LRRC75A: variants seen among roughly 807,000 people sequenced by gnomAD.
LRRC75A encodes leucine-rich repeat-containing protein 75A.
In LRRC75A, 12 loss-of-function variants were observed where a neutral mutation model predicts 26.0. That is an observed-to-expected ratio of 0.46 (90% confidence interval 0.30 to 0.75). The LOEUF (loss-of-function observed/expected upper bound fraction) is 0.75. Ranked by LOEUF, LRRC75A falls within the 30% of genes least tolerant of loss-of-function variation. The pLI, the probability that LRRC75A is intolerant of heterozygous loss-of-function variation, is 0.08. For missense variants in LRRC75A, 410 were observed against 486.6 expected (o/e 0.84, Z 1.48); for synonymous variants, 223 against 219.3 (o/e 1.02, Z -0.15).
chr17:16,465,924 G>A (rs1186259472), intron 1 of LRRC75A, among the ~76,000 whole-genome samples: 3 of 152,218 alleles, frequency 2.0e-5, no homozygotes, highest in Admixed American at 1.3e-4. Flanking sequence ...TGTGAGTCAC[G>A]GCCAACACCG....
chr17:16,461,847 CCTACCCCA>C (rs1341874735), intron 2 of LRRC75A, among the ~76,000 whole-genome samples: 4 of 152,160 alleles, frequency 2.6e-5, no homozygotes, highest in Non-Finnish European at 5.9e-5. Flanking sequence ...CCTGCCTCCC[CCTACCCCA>C]CTACCCCTCT....
intron 1 of LRRC75A, among the ~76,000 whole-genome samples, chr17:16,466,698 AGC>A (rs1164511998): frequency 2.0e-5 from 3 of 152,182 alleles, no homozygotes; most frequent in Admixed American, 2.0e-4. Context: ...AGCACACAGC[AGC>A]ACACGGCATT....
intron 2 of LRRC75A, among the ~76,000 whole-genome samples, chr17:16,459,370 T>C (rs1353571711): frequency 1.3e-5 from 2 of 152,284 alleles, no homozygotes; most frequent in South Asian, 2.1e-4. Context: ...TCAGAGGCCG[T>C]AGGCTCAGTC....
intron 1 of LRRC75A, among the ~76,000 whole-genome samples, chr17:16,476,195 A>AAAT (rs1379043086): frequency 5.3e-5 from 8 of 151,012 alleles, no homozygotes; most frequent in East Asian, 3.9e-4. Flanking sequence ...CTCCATCTCA[A>AAAT]AATAATAATA....
At chr17:16,467,515 C>A (rs1434220607) in intron 1 of LRRC75A, among the ~76,000 whole-genome samples, 2 of 152,150 alleles carry the variant, frequency 1.3e-5, no homozygotes, top group Non-Finnish European at 2.9e-5. Context: ...ATGTTTCCCC[C>A]CAGGAGGAAT....
intron 1 of LRRC75A, among the ~76,000 whole-genome samples, chr17:16,476,174 AAAGAGC>A (rs2093819270): frequency 6.7e-6 from 1 of 149,850 alleles, no homozygotes; most frequent in African/African-American, 2.5e-5. Flanking sequence ...CAGCCTGGGC[AAAGAGC>A]AAGACTCCAT....
In LRRC75A at chr17:16,484,931, T is replaced by C. The variant is rs1469534448; in HGVS notation, c.246+6814A>G. Among the ~76,000 whole-genome samples, 9 of 147,782 alleles carry C rather than the reference T, an allele frequency of 6.1e-5. No individual in the cohort carries two copies. In the Admixed American group the frequency reaches 6.1e-4, roughly 10 times the overall value. ...AGCCGTCGGCAGAGCTCCATATGGC[T>C]GCAGCAGCCAGGAGTCTGAGCTAAT... is the stretch of plus-strand genomic sequence containing the variant. On this transcript the variant is annotated intron_variant, in intron 1 of 3. Transcript: ENST00000470794.
intron 1 of LRRC75A, among the ~76,000 whole-genome samples, chr17:16,486,644 G>A (rs537175347): frequency 9.8e-5 from 15 of 152,306 alleles, no homozygotes; most frequent in South Asian, 2.1e-4. Context: ...CCGCCACCTC[G>A]GCAGAGGCCC....
chr17:16,450,794 G>A (rs1254030257), intron 2 of LRRC75A, among the ~76,000 whole-genome samples: 2 of 152,168 alleles, frequency 1.3e-5, no homozygotes, highest in Non-Finnish European at 2.9e-5. Context: ...TGGAGAGGAT[G>A]ACTCAGGGCC....
intron 1 of LRRC75A, among the ~76,000 whole-genome samples, chr17:16,472,603 T>C (rs1283970755): frequency 6.6e-6 from 1 of 152,166 alleles, no homozygotes; most frequent in East Asian, 1.9e-4. Context: ...AAGTGAGTGC[T>C]AATGCGCTGG....
chr17:16,481,945 T>A (rs945858804), intron 1 of LRRC75A, among the ~76,000 whole-genome samples: 1 of 152,044 alleles, frequency 6.6e-6, no homozygotes, highest in Admixed American at 6.5e-5. Flanking sequence ...CGCAGAGGAC[T>A]CCCCAGGTCC....
chr17:16,489,039 G>A (rs1229755327), intron 1 of LRRC75A, among the ~76,000 whole-genome samples: 2 of 152,124 alleles, frequency 1.3e-5, no homozygotes, highest in Non-Finnish European at 2.9e-5. Context: ...GGGTTTCAGG[G>A]GCTTTGTGAA....
intron 2 of LRRC75A, among the ~76,000 whole-genome samples, chr17:16,454,711 A>G (rs1222946798): frequency 1.3e-5 from 2 of 151,432 alleles, no homozygotes; most frequent in African/African-American, 2.4e-5. Context: ...AAATAAATAT[A>G]ATTAAAATAA....
chr17:16,471,781 A>C (rs971361312), intron 1 of LRRC75A, among the ~76,000 whole-genome samples: 13 of 152,224 alleles, frequency 8.5e-5, no homozygotes, highest in African/African-American at 3.1e-4. Context: ...AGACTCCACT[A>C]AGAGAAATAA....
At chr17:16,470,966 C>A (rs181006218) in intron 1 of LRRC75A, among the ~76,000 whole-genome samples, 1 of 152,114 alleles carries the variant, frequency 6.6e-6, no homozygotes, top group Non-Finnish European at 1.5e-5. Flanking sequence ...GACCTATGCA[C>A]CTAATGAGAG....
chr17:16,485,372 G>A (rs574558580), intron 1 of LRRC75A, among the ~76,000 whole-genome samples: 1 of 152,244 alleles, frequency 6.6e-6, no homozygotes, highest in African/African-American at 2.4e-5. Flanking sequence ...AATGGGATTG[G>A]TGCCCATATA....
At chr17:16,447,767 T>C (rs2093598241) in intron 3 of LRRC75A, 78 bp downstream of exon 3, 2 of 1,134,196 alleles carry the variant, frequency 1.8e-6, no homozygotes, top group Admixed American at 2.7e-5. Flanking sequence ...CGCCCTTCCC[T>C]TCCCTACATC....
At chr17:16,471,158 T>C (rs1309776307) in intron 1 of LRRC75A, among the ~76,000 whole-genome samples, 1 of 152,100 alleles carries the variant, frequency 6.6e-6, no homozygotes, top group Non-Finnish European at 1.5e-5. Context: ...CCAAAACAAG[T>C]GTTCTTACAA....
chr17:16,466,095 G>A (rs1410357416), intron 1 of LRRC75A, among the ~76,000 whole-genome samples: 1 of 152,206 alleles, frequency 6.6e-6, no homozygotes, highest in African/African-American at 2.4e-5. Context: ...GCTAACTGAG[G>A]GCACTTCATA....
Sources: allele counts gnomAD v4.1 joint callset (sites outside exome capture counted in the v4.1 genomes callset), GRCh38; gene constraint gnomAD v4.1.1; transcripts MANE v1.5; gene names NCBI Gene and HGNC (gene_info 2026-07-23, HGNC 2026-07-21).